The following ENTREP2 variants were observed in gnomAD, a reference collection of about 807,000 sequenced individuals.
The protein encoded by ENTREP2 is endosomal transmembrane epsin interactor 2.
At chr15:29,486,775 AAGTC>A in the ENTREP2 span, among the ~76,000 whole-genome samples, 1 of 152,190 alleles carries the variant, frequency 6.6e-6, no homozygotes, top group Admixed American at 6.5e-5. Context: ...TAAGCAAAGT[AAGTC>A]AGGCACTGGA....
At chr15:29,396,375 G>C in the ENTREP2 span, among the ~76,000 whole-genome samples, 2 of 150,408 alleles carry the variant, frequency 1.3e-5, no homozygotes, top group African/African-American at 4.9e-5. Context: ...TCATCTTTCT[G>C]TGTCTGGCTA....
the ENTREP2 span, among the ~76,000 whole-genome samples, chr15:29,281,600 A>G: frequency 6.6e-6 from 1 of 152,260 alleles, no homozygotes; most frequent in South Asian, 2.1e-4. Flanking sequence ...CAGAGGGGAA[A>G]GCTGGAAAGA....
chr15:29,141,232 G>C, the ENTREP2 span, among the ~76,000 whole-genome samples: 1 of 152,164 alleles, frequency 6.6e-6, no homozygotes, highest in African/African-American at 2.4e-5. Flanking sequence ...AACCTGCCTG[G>C]GACCGGGAGT....
chr15:29,338,506 G>GCT, the ENTREP2 span, among the ~76,000 whole-genome samples: 3 of 152,138 alleles, frequency 2.0e-5, no homozygotes, highest in Middle Eastern at 0.01. Context: ...CCCTGAGAGG[G>GCT]CTCTGGACCA....
chr15:29,254,946 G>A, the ENTREP2 span, among the ~76,000 whole-genome samples: 1 of 152,148 alleles, frequency 6.6e-6, no homozygotes, highest in African/African-American at 2.4e-5. Context: ...GGTGGAGAGG[G>A]GAGTGAGTTT....
At chr15:29,124,659 A>G in the ENTREP2 span, 1 of 1,533,360 alleles carries the variant, frequency 6.5e-7, no homozygotes, top group Non-Finnish European at 8.8e-7. Context: ...AGGCGCAGTC[A>G]AAGCGCTTTA....
chr15:29,148,044 C>T, the ENTREP2 span, among the ~76,000 whole-genome samples: 7 of 152,210 alleles, frequency 4.6e-5, no homozygotes, highest in East Asian at 7.7e-4. Context: ...CAGACACAAA[C>T]GGCCACATGT....
chr15:29,333,434 C>T, the ENTREP2 span, among the ~76,000 whole-genome samples: 1 of 152,122 alleles, frequency 6.6e-6, no homozygotes, highest in Non-Finnish European at 1.5e-5. Context: ...CCCCGCCCCA[C>T]TTGACACAGG....
At chr15:29,276,330 T>A in the ENTREP2 span, among the ~76,000 whole-genome samples, 1 of 152,212 alleles carries the variant, frequency 6.6e-6, no homozygotes, top group African/African-American at 2.4e-5. Flanking sequence ...ATTACAAACA[T>A]CCAAGGTCTT....
chr15:29,160,731 A>ATC, the ENTREP2 span, among the ~76,000 whole-genome samples: 1 of 150,528 alleles, frequency 6.6e-6, no homozygotes, highest in East Asian at 1.9e-4. Context: ...AAAAAAAAAA[A>ATC]AAATCAGGAC....
At chr15:29,600,892 A>ATTTTTTTTTTTT in the ENTREP2 span, among the ~76,000 whole-genome samples, 4 of 97,944 alleles carry the variant, frequency 4.1e-5, no homozygotes, top group African/African-American at 2.1e-4. Context: ...GGAAAATATG[A>ATTTTTTTTTTTT]TTTTTCTTTC....
At chr15:29,527,895 G>A in the ENTREP2 span, among the ~76,000 whole-genome samples, 1 of 152,114 alleles carries the variant, frequency 6.6e-6, no homozygotes, top group South Asian at 2.1e-4. Flanking sequence ...GGGCTTGCTG[G>A]TTTCGCTGCT....
chr15:29,414,812 G>A, the ENTREP2 span, among the ~76,000 whole-genome samples: 1 of 151,766 alleles, frequency 6.6e-6, no homozygotes, highest in Non-Finnish European at 1.5e-5. Context: ...AATGATAAAG[G>A]GGATATCACC....
the ENTREP2 span, among the ~76,000 whole-genome samples, chr15:29,253,328 C>T: frequency 6.6e-6 from 1 of 152,184 alleles, no homozygotes; most frequent in Non-Finnish European, 1.5e-5. Context: ...ACAGTCTAAA[C>T]TTTCTGATTG....
chr15:29,527,768 T>C, the ENTREP2 span, among the ~76,000 whole-genome samples: 1 of 152,116 alleles, frequency 6.6e-6, no homozygotes, highest in Admixed American at 6.5e-5. Flanking sequence ...GATCTGTATG[T>C]AATCTCAAGG....
At chr15:29,402,712 C>A in the ENTREP2 span, among the ~76,000 whole-genome samples, 1 of 152,196 alleles carries the variant, frequency 6.6e-6, no homozygotes. Flanking sequence ...AATTTCCCTT[C>A]TGAGAAGCAA....
chr15:29,207,018 G>A, the ENTREP2 span, among the ~76,000 whole-genome samples: 4 of 152,160 alleles, frequency 2.6e-5, no homozygotes, highest in African/African-American at 7.2e-5. Flanking sequence ...TAGGTTGGAT[G>A]ACACGGAGCC....
At chr15:29,134,252 C>T in the ENTREP2 span, among the ~76,000 whole-genome samples, 1 of 152,354 alleles carries the variant, frequency 6.6e-6, no homozygotes, top group Non-Finnish European at 1.5e-5. Flanking sequence ...AAGAACATCT[C>T]CATTACTGCC....
At chr15:29,551,031 A>G in the ENTREP2 span, among the ~76,000 whole-genome samples, 3 of 152,316 alleles carry the variant, frequency 2.0e-5, no homozygotes, top group East Asian at 5.8e-4. Context: ...CAGCAGGCCA[A>G]TGATGCAATC....
Sources: allele counts gnomAD v4.1 joint callset (sites outside exome capture counted in the v4.1 genomes callset), GRCh38; gene constraint gnomAD v4.1.1; transcripts MANE v1.5; gene names NCBI Gene and HGNC (gene_info 2026-07-23, HGNC 2026-07-21).